ERC1: variants seen among roughly 807,000 people sequenced by gnomAD.
ERC1 encodes the protein RAB6 interacting protein 2.
In ERC1, 56 loss-of-function variants were observed where a neutral mutation model predicts 132.0. The ratio of observed to expected loss-of-function variants is 0.42; its 90% confidence interval spans 0.34 to 0.53. The LOEUF (loss-of-function observed/expected upper bound fraction) is 0.53, where lower values mean the gene tolerates loss of function less well. ERC1 is among the 20% of genes least tolerant of loss of function. ERC1 has a pLI of 0.03. For missense variants in ERC1, 1,202 were observed against 1,349.9 expected, an observed-to-expected ratio of 0.89 and a Z score of 1.72; for synonymous variants, 478 against 476.1, an observed-to-expected ratio of 1.00 and a Z score of -0.05.
chr12:1,400,553 C>G (rs549833237), intron 16 of ERC1, among the ~76,000 whole-genome samples: 90 of 152,208 alleles, frequency 5.9e-4, no homozygotes, highest in African/African-American at 1.9e-3. Flanking sequence ...ATAGTTTTAG[C>G]TCTTCCATTT....
rs193097202 is a variant in ERC1, at chr12:1,083,247, C to T, written c.753C>T (p.Ser251=). The T allele has an allele frequency of 3.7e-6, 6 of 1,614,128 alleles. No homozygotes were observed. In the Admixed American group the frequency reaches 8.3e-5, roughly 22 times the overall value. ...DLNQLFQQDS[S]SRTGEPCVAE... ...ATCAGCTGTTTCAGCAGGATAGTAGCAGCAGGACTGGCGAACCTTGTGTAG... is the reference window on the plus strand; with the variant it reads ...ATCAGCTGTTTCAGCAGGATAGTAGTAGCAGGACTGGCGAACCTTGTGTAG... The change falls in exon 3 of 19, where the codon AGC becomes AGT. Residue 251 remains serine (S), a synonymous_variant. Coordinates refer to ENST00000360905, the MANE Select transcript of ERC1 (RefSeq NM_178040.4).
intron 17 of ERC1, among the ~76,000 whole-genome samples, chr12:1,431,278 G>A (rs2092790051): frequency 1.3e-5 from 2 of 152,220 alleles, no homozygotes; most frequent in East Asian, 3.9e-4. Context: ...TCCATCTTTT[G>A]TATTCTGTAC....
At chr12:1,046,471 A>T (rs1971098239) in intron 2 of ERC1, among the ~76,000 whole-genome samples, 1 of 152,216 alleles carries the variant, frequency 6.6e-6, no homozygotes, top group Non-Finnish European at 1.5e-5. Context: ...GTGTGCATAA[A>T]TAAAGTTTTA....
chr12:1,358,796 G>A (rs779521167), intron 15 of ERC1, among the ~76,000 whole-genome samples: 2 of 152,188 alleles, frequency 1.3e-5, no homozygotes, highest in Admixed American at 1.3e-4. Flanking sequence ...GAGATGTGGG[G>A]ATGAAGTTGG....
At chr12:1,250,882 G>T (rs1279926299) in intron 13 of ERC1, among the ~76,000 whole-genome samples, 3 of 152,130 alleles carry the variant, frequency 2.0e-5, no homozygotes, top group Non-Finnish European at 2.9e-5. Flanking sequence ...AGGTTGTTGT[G>T]AGAGAGATTA....
At chr12:1,158,806 T>C (rs993747785) in intron 8 of ERC1, among the ~76,000 whole-genome samples, 1 of 152,126 alleles carries the variant, frequency 6.6e-6, no homozygotes, top group African/African-American at 2.4e-5. Flanking sequence ...CTTTGAATTG[T>C]TTTGTATGAA....
At chr12:1,174,327 C>G (rs914597687) in intron 8 of ERC1, among the ~76,000 whole-genome samples, 1 of 152,172 alleles carries the variant, frequency 6.6e-6, no homozygotes. Flanking sequence ...GAGATCCTTT[C>G]ACTATGAAAT....
chr12:1,076,341 G>T (rs7303072), intron 2 of ERC1, among the ~76,000 whole-genome samples: 135,451 of 151,568 alleles, frequency 0.89, 60,936 homozygotes, highest in Non-Finnish European at 0.95. Context: ...TTGGCCAGTT[G>T]GGATTTAAGA....
At chr12:1,101,295 T>A (rs1944629380) in intron 3 of ERC1, among the ~76,000 whole-genome samples, 1 of 152,068 alleles carries the variant, frequency 6.6e-6, no homozygotes, top group Admixed American at 6.5e-5. Flanking sequence ...GGCTCCGAAG[T>A]TATATAGACA....
chr12:1,300,615 AC>A (rs201640664), intron 15 of ERC1, among the ~76,000 whole-genome samples: 6,843 of 152,286 alleles, frequency 0.045, 199 homozygotes, highest in South Asian at 0.079. Flanking sequence ...CAAGAAAAAA[AC>A]AACCCCATTA....
At chr12:1,379,994 A>C (rs554146679) in intron 16 of ERC1, 1 of 152,204 alleles carries the variant, frequency 6.6e-6, no homozygotes, top group East Asian at 1.9e-4. Flanking sequence ...GCTCAGCAGT[A>C]GACAGAAATG....
At chr12:1,247,544 GC>G (rs2076228555) in intron 13 of ERC1, among the ~76,000 whole-genome samples, 1 of 152,182 alleles carries the variant, frequency 6.6e-6, no homozygotes, top group Non-Finnish European at 1.5e-5. Context: ...AGTTCACTTT[GC>G]CATCTCTTTG....
In ERC1 at chr12:1,124,795, A is replaced by G. The variant is rs556863630; in HGVS notation, c.1569+8762A>G. 9.7e-4 allele frequency among the ~76,000 whole-genome samples: 148 copies of G among 152,288 alleles called. 1 individual carries two copies. Among genetic ancestry groups the G allele is most frequent in the Middle Eastern group, 6.8e-3 (2 of 294 alleles). On this transcript the variant is annotated intron_variant, in intron 7 of 18. Transcript: ENST00000360905. ...TAAAAATAATATAAGACAACTCTAA[A>G]CAATTATATTCGAATAAGCTTGAAA...
intron 18 of ERC1, among the ~76,000 whole-genome samples, chr12:1,463,328 C>T (rs551774440): frequency 3.3e-5 from 5 of 152,262 alleles, no homozygotes; most frequent in South Asian, 4.1e-4. Context: ...AACGCGCCTG[C>T]ACAGATGGGT....
chr12:1,071,184 G>T (rs191060417), intron 2 of ERC1, among the ~76,000 whole-genome samples: 1 of 152,144 alleles, frequency 6.6e-6, no homozygotes, highest in East Asian at 1.9e-4. Flanking sequence ...GTGTTTATTG[G>T]TACATGTTTT....
At chr12:1,150,537 T>C (rs1411406057) in intron 8 of ERC1, among the ~76,000 whole-genome samples, 4 of 152,234 alleles carry the variant, frequency 2.6e-5, no homozygotes, top group Non-Finnish European at 5.9e-5. Flanking sequence ...TATTTCAGGC[T>C]TTTTATTTGA....
At chr12:1,091,235 A>G (rs1189348476) in intron 3 of ERC1, among the ~76,000 whole-genome samples, 1 of 151,884 alleles carries the variant, frequency 6.6e-6, no homozygotes, top group Non-Finnish European at 1.5e-5. Flanking sequence ...TTCTTTTTTT[A>G]TCTTACAAGG....
chr12:1,040,275 A>G (rs777688444), intron 2 of ERC1, among the ~76,000 whole-genome samples: 2 of 151,408 alleles, frequency 1.3e-5, no homozygotes, highest in Non-Finnish European at 2.9e-5. Flanking sequence ...TTGTGCTACC[A>G]TACACATTTC....
intron 14 of ERC1, among the ~76,000 whole-genome samples, chr12:1,276,212 C>T (rs1360467799): frequency 1.3e-5 from 2 of 151,274 alleles, no homozygotes; most frequent in African/African-American, 2.4e-5. Flanking sequence ...ACATGTCTCT[C>T]TCATGTTTTT....
Sources: gnomAD v4.1 joint callset for allele counts (sites outside exome capture counted in the v4.1 genomes callset) on GRCh38, gnomAD v4.1.1 for gene constraint, MANE v1.5 for transcripts, NCBI Gene and HGNC (gene_info 2026-07-23, HGNC 2026-07-21) for gene names.